The following MTUS1 variants were observed in gnomAD, a reference collection of about 807,000 sequenced individuals.
MTUS1 encodes the protein microtubule-associated tumor suppressor 1.
Under a neutral mutation model 120.8 loss-of-function variants are expected in MTUS1, and 109 were observed. The observed-to-expected ratio is 0.90, with a 90% CI of 0.77 to 1.06. MTUS1 has a LOEUF of 1.06. Ranked by LOEUF, MTUS1 falls within the 50% of genes least tolerant of loss-of-function variation. The pLI is 0.00. For missense variants in MTUS1, 2,210 were observed against 1,486.3 expected (o/e 1.49, Z -8.01); for synonymous variants, 737 against 550.5 (o/e 1.34, Z -4.74).
chr8:17,767,700 T>TAAGAAAAAAAAAAAAAAAAAAAAAA lies in MTUS1; in HGVS notation c.-154-11740_-154-11739insTTTTTTTTTTTTTTTTTTTTTTCTT, dbSNP rs1554533204. On this transcript the variant is annotated intron_variant, in intron 1 of 14. Coordinates refer to ENST00000693296, the MANE Select transcript of MTUS1 (RefSeq NM_001363059.2). ...GGTGATAGAGCAAGACCCTGTCTCT[T>TAAGAAAAAAAAAAAAAAAAAAAAAA]AAAAAAAAAAAAAAAAAACGGTGTG... Among the ~76,000 whole-genome samples the TAAGAAAAAAAAAAAAAAAAAAAAAA allele has an allele frequency of 6.8e-5, 6 of 87,888 alleles. 1 individual carries two copies. Among genetic ancestry groups the TAAGAAAAAAAAAAAAAAAAAAAAAA allele is most frequent in the African/African-American group, 2.5e-4 (5 of 19,630 alleles). The allele number at this position is 87,888 out of a possible 152,430, so 57.7% of individuals were successfully genotyped here.
chr8:17,698,001 T>G lies in MTUS1; in HGVS notation c.2624-13459A>C, dbSNP rs192297699. Among the ~76,000 whole-genome samples, 274 of 152,288 alleles carry G rather than the reference T, an allele frequency of 1.8e-3. 1 individual carries two copies. The highest frequency in any genetic ancestry group is 6.3e-3 in the African/African-American group (262 of 41,546). Reference sequence around the variant, plus strand: ...TTGGAAAAGTTTTTTTTTTAAAGACTTCAGGCAATAAATGTTCTCAACTAC... The same window carrying G: ...TTGGAAAAGTTTTTTTTTTAAAGACGTCAGGCAATAAATGTTCTCAACTAC... On this transcript the variant is annotated intron_variant, in intron 6 of 14. Coordinates refer to ENST00000693296, the MANE Select transcript of MTUS1 (RefSeq NM_001363059.2).
chr8:17,735,087 A>C (rs547322441), intron 3 of MTUS1, among the ~76,000 whole-genome samples: 48 of 152,080 alleles, frequency 3.2e-4, no homozygotes, highest in African/African-American at 4.8e-4. Context: ...CCTGTCTCTT[A>C]TATCTTTATG....
chr8:17,678,601 C>G (rs3862093), intron 7 of MTUS1, among the ~76,000 whole-genome samples: 18 of 152,012 alleles, frequency 1.2e-4, no homozygotes, highest in African/African-American at 4.3e-4. Flanking sequence ...ATGGCTCAGA[C>G]GTGTGCTGCA....
chr8:17,775,597 A>T (rs2050359960), intron 1 of MTUS1, among the ~76,000 whole-genome samples: 1 of 152,250 alleles, frequency 6.6e-6, no homozygotes, highest in Non-Finnish European at 1.5e-5. Context: ...TCTTCAATGA[A>T]ATTCTCACTC....
chr8:17,739,812 T>A (rs1020383509), intron 3 of MTUS1, among the ~76,000 whole-genome samples: 4 of 152,230 alleles, frequency 2.6e-5, no homozygotes, highest in African/African-American at 7.2e-5. Context: ...TAATAATTAC[T>A]ACTACAAATA....
Position 17,754,728 on chromosome 8 carries a change from G to A in MTUS1, c.1080C>T (p.Ser360=), listed in dbSNP as rs373445770. 9.9e-5 allele frequency: 159 copies of A among 1,614,184 alleles called. 1 individual carries two copies. The highest frequency in any genetic ancestry group is 1.2e-4 in the Non-Finnish European group (145 of 1,180,040). Residue 360 remains serine, a synonymous_variant, in exon 2 of 15, where the codon AGC becomes AGT. Coordinates refer to ENST00000693296, the MANE Select transcript of MTUS1 (RefSeq NM_001363059.2). The stretch of plus-strand genomic sequence containing the variant: ...GCTCTGGGTTCAGCACTTGAGCTTC[G>A]CTCTTATCAAAAGCTGGCACCATTA... ...CPLMVPAFDK[S]EAQVLNPEHK... is the part of the protein sequence containing the mutation.
Position 17,754,864 on chromosome 8 carries a change from T to G in MTUS1, c.944A>C (p.His315Pro). 1 of 1,614,262 alleles carries G rather than the reference T, an allele frequency of 6.2e-7. No homozygotes were observed. The change falls in exon 2 of 15, where the codon CAT (histidine) becomes CCT (proline). Residue 315 changes from histidine (H) to proline (P), a missense_variant. His to Pro is a moderately conservative substitution (Grantham distance 77). Coordinates refer to ENST00000693296, the MANE Select transcript of MTUS1 (RefSeq NM_001363059.2). ...ATGTGGTTCGCTATTGGATTCATCA[T>G]GGGATAAACAAAAGAACTCTTGTAA... ...SALQEFFCLS[H>P]DESNSEPHSQ...
intron 6 of MTUS1, among the ~76,000 whole-genome samples, chr8:17,707,859 G>T (rs1820475587): frequency 6.6e-6 from 1 of 152,154 alleles, no homozygotes; most frequent in Non-Finnish European, 1.5e-5. Flanking sequence ...AGGTGCCAAG[G>T]CATTTAAATG....
At chr8:17,760,755 A>C (rs2048977604) in intron 1 of MTUS1, among the ~76,000 whole-genome samples, 1 of 151,968 alleles carries the variant, frequency 6.6e-6, no homozygotes, top group Non-Finnish European at 1.5e-5. Flanking sequence ...TATTTTGATT[A>C]AACAAGATGC....
intron 6 of MTUS1, chr8:17,709,045 G>C (rs1820732837): frequency 6.6e-6 from 1 of 152,010 alleles, no homozygotes; most frequent in South Asian, 2.1e-4. Context: ...GCTAAGGCAG[G>C]AGAACGGCGT....
Position 17,645,848 on chromosome 8 carries a change from C to A in MTUS1, c.*78G>T. ...CACGTGTGCTGATATACCTCTTGTGCCCACGTTCCTCCTTGGGGTCAGTCC... is the reference window on the plus strand; with the variant it reads ...CACGTGTGCTGATATACCTCTTGTGACCACGTTCCTCCTTGGGGTCAGTCC... On this transcript the variant is annotated 3_prime_UTR_variant, in exon 15 of 15. Transcript: ENST00000693296. The A allele has an allele frequency of 6.6e-7, 1 of 1,515,830 alleles. No individual in the cohort carries two copies. The highest frequency in any genetic ancestry group is 1.3e-5 in the South Asian group (1 of 76,396). The allele number at this position is 1,515,830 out of a possible 1,614,324, so 93.9% of individuals were successfully genotyped here.
intron 6 of MTUS1, among the ~76,000 whole-genome samples, chr8:17,707,766 G>C (rs1345200466): frequency 6.6e-6 from 1 of 152,132 alleles, no homozygotes; most frequent in Non-Finnish European, 1.5e-5. Flanking sequence ...TGTAGCACTG[G>C]CAAAGGTAAC....
intron 6 of MTUS1, among the ~76,000 whole-genome samples, chr8:17,684,837 G>A (rs986851381): frequency 6.6e-6 from 1 of 152,152 alleles, no homozygotes; most frequent in African/African-American, 2.4e-5. Context: ...GCAAAATGTT[G>A]TTCTCCTCGT....
At chr8:17,739,983 A>C (rs1337091198) in intron 3 of MTUS1, among the ~76,000 whole-genome samples, 3 of 152,172 alleles carry the variant, frequency 2.0e-5, no homozygotes, top group Admixed American at 6.6e-5. Context: ...AGGTGGGTGG[A>C]TCACCTGAGG....
chr8:17,687,564 A>G (rs1212163287), intron 6 of MTUS1, among the ~76,000 whole-genome samples: 3 of 152,230 alleles, frequency 2.0e-5, no homozygotes, highest in African/African-American at 7.2e-5. Flanking sequence ...ACCTATTAAC[A>G]GAACATGTTC....
At chr8:17,724,364 A>C (rs544393187) in intron 3 of MTUS1, among the ~76,000 whole-genome samples, 1 of 152,352 alleles carries the variant, frequency 6.6e-6, no homozygotes. Context: ...AAACTTTAAC[A>C]AAATTCTCCT....
chr8:17,647,197 C>A, intron 13 of MTUS1, 118 bp from the exon 14 acceptor site: 6 of 712,734 alleles, frequency 8.4e-6, no homozygotes, highest in East Asian at 2.8e-5. Context: ...AATGCAATTC[C>A]ATATTAAAAT....
chr8:17,664,664 C>T (rs1419794714), intron 8 of MTUS1, among the ~76,000 whole-genome samples: 1 of 152,014 alleles, frequency 6.6e-6, no homozygotes. Flanking sequence ...TCTCTTGTGC[C>T]CCACCCCCAG....
At chr8:17,721,030 G>T (rs922009165) in intron 4 of MTUS1, among the ~76,000 whole-genome samples, 8 of 152,138 alleles carry the variant, frequency 5.3e-5, no homozygotes, top group African/African-American at 1.7e-4. Flanking sequence ...AAAGTTCCGA[G>T]AACCCAGTGC....
Sources: gnomAD v4.1 joint callset for allele counts (sites outside exome capture counted in the v4.1 genomes callset) on GRCh38, gnomAD v4.1.1 for gene constraint, MANE v1.5 for transcripts, NCBI Gene and HGNC (gene_info 2026-07-23, HGNC 2026-07-21) for gene names.